UBE2E2: variants seen among roughly 807,000 people sequenced by gnomAD.
UBE2E2 encodes ubiquitin conjugating enzyme E2 E2.
Under a neutral mutation model 24.7 loss-of-function variants are expected in UBE2E2, and 6 were observed. The observed-to-expected ratio is 0.24, with a 90% confidence interval of 0.13 to 0.48. UBE2E2 has a LOEUF of 0.48. Among genes scored for constraint, UBE2E2 ranks in the 20% least tolerant of loss-of-function variants. The pLI is 0.99. For synonymous variants in UBE2E2, 104 were observed against 83.6 expected (o/e 1.24, Z -1.33); for missense variants, 169 against 245.0 (o/e 0.69, Z 2.07).
chr3:23,509,969 A>C (rs191691356), intron 4 of UBE2E2, among the ~76,000 whole-genome samples: 1 of 151,840 alleles, frequency 6.6e-6, no homozygotes. Context: ...TCTTAATCCA[A>C]TCTATCATTG....
chr3:23,349,263 C>A (rs997158789), intron 3 of UBE2E2, among the ~76,000 whole-genome samples: 2 of 152,086 alleles, frequency 1.3e-5, no homozygotes, highest in Non-Finnish European at 2.9e-5. Flanking sequence ...CCAAAATGGC[C>A]GAATAGGAAC....
intron 3 of UBE2E2, among the ~76,000 whole-genome samples, chr3:23,265,949 T>C (rs1698036199): frequency 6.6e-6 from 1 of 152,212 alleles, no homozygotes; most frequent in Non-Finnish European, 1.5e-5. Flanking sequence ...GTCTGTTTTA[T>C]CAGAGACTAG....
At chr3:23,522,410 G>C (rs1408820640) in intron 4 of UBE2E2, among the ~76,000 whole-genome samples, 1 of 152,152 alleles carries the variant, frequency 6.6e-6, no homozygotes, top group Non-Finnish European at 1.5e-5. Context: ...GGGATTACAG[G>C]CGTGAGCCAC....
At chr3:23,208,614 T>A in intron 1 of UBE2E2, 78 bp from the exon 2 acceptor site, 1 of 1,147,394 alleles carries the variant, frequency 8.7e-7, no homozygotes, top group South Asian at 2.5e-5. Flanking sequence ...TTGTTTTACT[T>A]TGAGGCTCAT....
chr3:23,245,629 A>C (rs1204036492), intron 3 of UBE2E2, among the ~76,000 whole-genome samples: 1 of 152,162 alleles, frequency 6.6e-6, no homozygotes, highest in East Asian at 1.9e-4. Context: ...GGGACCTTTG[A>C]TATCCATAGT....
At position 23,410,373 on chromosome 3, in the gene UBE2E2, G is replaced by A. The variant is rs180980789; in HGVS notation, c.228-89235G>A. Among the ~76,000 whole-genome samples, 942 of 151,900 alleles carry A rather than the reference G, an allele frequency of 6.2e-3. 14 individuals carry two copies. The highest frequency in any genetic ancestry group is 0.021 in the African/African-American group (868 of 41,408). ...TCCTCTTTTAAATTTTTCATTGCTC[G>A]CATACTTGAGATAGATTTCAAGCCT... is the stretch of plus-strand genomic sequence containing the variant. On this transcript the variant is annotated intron_variant, in intron 3 of 5. Transcript: ENST00000396703.
intron 3 of UBE2E2, among the ~76,000 whole-genome samples, chr3:23,291,678 AG>A (rs1220055342): frequency 7.2e-6 from 1 of 139,380 alleles, no homozygotes; most frequent in Non-Finnish European, 1.5e-5. Flanking sequence ...ATTCTATTTA[AG>A]GGGCTTTTTT....
rs1696758784 is a variant in UBE2E2, at chr3:23,591,418, A to C, written c.*1587A>C. On this transcript the variant is annotated 3_prime_UTR_variant, in exon 6 of 6. Coordinates refer to ENST00000396703, the MANE Select transcript of UBE2E2 (RefSeq NM_152653.4). ...AACTAGTTAAAAATAAATCCTAAGAAAATATATTTAAATATTGCAAATGCC... is the reference window on the plus strand; with the variant it reads ...AACTAGTTAAAAATAAATCCTAAGACAATATATTTAAATATTGCAAATGCC... The C allele has an allele frequency of 1.3e-5, 2 of 152,380 alleles. No homozygotes were observed. Among genetic ancestry groups the C allele is most frequent in the East Asian group, 3.9e-4 (2 of 5,192 alleles). The allele number at this position is 152,380 out of a possible 1,614,324, so 9.4% of individuals were successfully genotyped here. A position where few individuals can be genotyped will look rare whatever the true frequency, so the allele number is the denominator to read the frequency against.
intron 2 of UBE2E2, among the ~76,000 whole-genome samples, chr3:23,213,596 G>A (rs1696387301): frequency 6.6e-6 from 1 of 152,056 alleles, no homozygotes; most frequent in Non-Finnish European, 1.5e-5. Flanking sequence ...CCTAAGAGGT[G>A]GCACTGCCTT....
intron 3 of UBE2E2, among the ~76,000 whole-genome samples, chr3:23,413,223 G>GA (rs553079287): frequency 1.3e-5 from 2 of 150,784 alleles, no homozygotes; most frequent in Admixed American, 1.3e-4. Context: ...AAAAATCTGA[G>GA]AAAAAAAAGT....
chr3:23,302,213 C>T (rs1183680832), intron 3 of UBE2E2, among the ~76,000 whole-genome samples: 1 of 152,168 alleles, frequency 6.6e-6, no homozygotes, highest in Non-Finnish European at 1.5e-5. Context: ...CACTCTACTT[C>T]TATTTTCAAA....
At chr3:23,515,128 T>G (rs979278660) in intron 4 of UBE2E2, among the ~76,000 whole-genome samples, 1 of 146,608 alleles carries the variant, frequency 6.8e-6, no homozygotes, top group Non-Finnish European at 1.5e-5. Flanking sequence ...GGGGTGTGTG[T>G]GTGTGTGTGT....
intron 4 of UBE2E2, among the ~76,000 whole-genome samples, chr3:23,505,133 C>G (rs1345035465): frequency 6.8e-6 from 1 of 148,028 alleles, no homozygotes; most frequent in Non-Finnish European, 1.5e-5. Flanking sequence ...GTTGCTCAGG[C>G]TGGTCTTGAA....
chr3:23,471,490 G>C (rs1699032328), intron 3 of UBE2E2, among the ~76,000 whole-genome samples: 1 of 152,178 alleles, frequency 6.6e-6, no homozygotes, highest in African/African-American at 2.4e-5. Context: ...CTGAGAAGAG[G>C]AAAGCCCTTG....
intron 3 of UBE2E2, among the ~76,000 whole-genome samples, chr3:23,322,791 C>T (rs1246754470): frequency 1.3e-5 from 2 of 151,904 alleles, no homozygotes; most frequent in Non-Finnish European, 2.9e-5. Flanking sequence ...AGAAAGCTTT[C>T]ATAAATACAG....
chr3:23,255,300 C>T (rs940033059), intron 3 of UBE2E2, among the ~76,000 whole-genome samples: 1 of 150,320 alleles, frequency 6.7e-6, no homozygotes, highest in African/African-American at 2.4e-5. Flanking sequence ...TGCCATATTG[C>T]GCAGGCTGGT....
intron 3 of UBE2E2, among the ~76,000 whole-genome samples, chr3:23,498,992 A>G (rs567955366): frequency 1.3e-5 from 2 of 152,352 alleles, no homozygotes; most frequent in South Asian, 2.1e-4. Context: ...GGCACTAAGG[A>G]CAAGGTACAA....
chr3:23,379,142 T>C (rs969352445), intron 3 of UBE2E2, among the ~76,000 whole-genome samples: 6 of 152,174 alleles, frequency 3.9e-5, no homozygotes, highest in Non-Finnish European at 5.9e-5. Context: ...TACTGAAAAA[T>C]TTAAAATACA....
chr3:23,512,920 C>CCATA (rs112434628), intron 4 of UBE2E2, among the ~76,000 whole-genome samples: 26,840 of 151,586 alleles, frequency 0.18, 2,445 homozygotes, highest in Middle Eastern at 0.23. Flanking sequence ...AGGACCTTGA[C>CCATA]CATACATACA....
Sources: allele counts gnomAD v4.1 joint callset (sites outside exome capture counted in the v4.1 genomes callset), GRCh38; gene constraint gnomAD v4.1.1; transcripts MANE v1.5; gene names NCBI Gene and HGNC (gene_info 2026-07-23, HGNC 2026-07-21).